The following CNTNAP5 variants were observed in gnomAD, a reference collection of about 807,000 sequenced individuals.
CNTNAP5 encodes contactin-associated protein-like 5.
CNTNAP5 carries 72 observed loss-of-function variants against 150.2 expected under a neutral mutation model. That is an observed-to-expected ratio of 0.48 (90% CI 0.40 to 0.58). The LOEUF is 0.58. Ranked by LOEUF, CNTNAP5 falls within the 20% of genes least tolerant of loss-of-function variation. The pLI, the probability that CNTNAP5 is intolerant of heterozygous loss-of-function variation, is 0.00. For synonymous variants in CNTNAP5, 672 were observed against 619.8 expected, an observed-to-expected ratio of 1.08 and a Z score of -1.25; for missense variants, 1,636 against 1,626.2, an observed-to-expected ratio of 1.01 and a Z score of -0.10.
At position 124,325,978 on chromosome 2, in the gene CNTNAP5, G is replaced by A. The variant is rs183270017; in HGVS notation, c.381+83585G>A. 4.0e-3 allele frequency among the ~76,000 whole-genome samples: 616 copies of A among 152,314 alleles called. 2 individuals carry two copies. The highest frequency in any genetic ancestry group is 0.014 in the African/African-American group (581 of 41,564). On this transcript the variant is annotated intron_variant, in intron 3 of 23. Coordinates refer to ENST00000682447, the MANE Select transcript of CNTNAP5 (RefSeq NM_001367498.1). ...TGAACCACACCAGCTAAAGGCTTAAGATTTCAGCTCAGCCATGCTGGCTGC... is the reference window on the plus strand; with the variant it reads ...TGAACCACACCAGCTAAAGGCTTAAAATTTCAGCTCAGCCATGCTGGCTGC...
intron 13 of CNTNAP5, among the ~76,000 whole-genome samples, chr2:124,674,675 A>G (rs1216053107): frequency 2.0e-5 from 3 of 151,116 alleles, no homozygotes; most frequent in African/African-American, 7.3e-5. Context: ...AAGTTTGGGT[A>G]TGTTCTGCTT....
chr2:124,522,092 C>T (rs1197345444), intron 8 of CNTNAP5, among the ~76,000 whole-genome samples: 1 of 152,090 alleles, frequency 6.6e-6, no homozygotes, highest in Non-Finnish European at 1.5e-5. Context: ...TCACAGCTGC[C>T]CAGGTGCAAA....
chr2:124,658,081 A>T (rs1233784411), intron 13 of CNTNAP5, among the ~76,000 whole-genome samples: 1 of 152,164 alleles, frequency 6.6e-6, no homozygotes, highest in African/African-American at 2.4e-5. Context: ...CAATTGAGTG[A>T]ATAGTTGTTG....
intron 18 of CNTNAP5, among the ~76,000 whole-genome samples, chr2:124,792,794 T>A (rs1052447196): frequency 6.6e-6 from 1 of 152,192 alleles, no homozygotes; most frequent in African/African-American, 2.4e-5. Flanking sequence ...GATCTTTTTG[T>A]GTCTGATTTC....
chr2:124,832,725 T>G (rs1187600129), intron 19 of CNTNAP5, among the ~76,000 whole-genome samples: 1 of 152,092 alleles, frequency 6.6e-6, no homozygotes, highest in Non-Finnish European at 1.5e-5. Flanking sequence ...CTCCAGTTAC[T>G]AATACAGCCT....
At chr2:124,788,140 G>T (rs1182286800) in intron 17 of CNTNAP5, among the ~76,000 whole-genome samples, 2 of 152,156 alleles carry the variant, frequency 1.3e-5, no homozygotes, top group African/African-American at 4.8e-5. Flanking sequence ...ACCTCCCCTG[G>T]GTTCTCCCAG....
intron 7 of CNTNAP5, among the ~76,000 whole-genome samples, chr2:124,494,484 C>T (rs566832922): frequency 6.6e-6 from 1 of 152,294 alleles, no homozygotes; most frequent in East Asian, 1.9e-4. Context: ...CAGATCTTCC[C>T]CTCCTAGTGC....
chr2:124,645,327 T>G lies in CNTNAP5; in HGVS notation c.1877-2431T>G, dbSNP rs576505371. Among the ~76,000 whole-genome samples, 31 of 152,318 alleles carry G rather than the reference T, an allele frequency of 2.0e-4. No homozygotes were observed. The South Asian group carries it at 3.1e-3, about 15-fold the overall frequency. ...TGGATGCAGTGGCTCATGTCTATAA[T>G]CCCAGCACTTTGGCAGGTTGTTTGA... On this transcript the variant is annotated intron_variant, in intron 12 of 23. Coordinates refer to ENST00000682447, the MANE Select transcript of CNTNAP5 (RefSeq NM_001367498.1).
chr2:124,556,076 C>G (rs931338113), intron 10 of CNTNAP5, among the ~76,000 whole-genome samples: 5 of 152,178 alleles, frequency 3.3e-5, no homozygotes, highest in African/African-American at 1.2e-4. Flanking sequence ...AGCCCCCTAA[C>G]CCTCACTTTG....
intron 1 of CNTNAP5, among the ~76,000 whole-genome samples, chr2:124,109,096 C>T (rs1040259495): frequency 6.6e-6 from 1 of 152,158 alleles, no homozygotes; most frequent in African/African-American, 2.4e-5. Flanking sequence ...GCTTCCTGAG[C>T]CGGCAGCCAG....
chr2:124,128,326 G>C (rs1400735184), intron 1 of CNTNAP5, among the ~76,000 whole-genome samples: 3 of 152,096 alleles, frequency 2.0e-5, no homozygotes, highest in Non-Finnish European at 4.4e-5. Context: ...CATCATCACT[G>C]GCCGTCAGAG....
intron 1 of CNTNAP5, among the ~76,000 whole-genome samples, chr2:124,181,210 T>A (rs1558790047): frequency 6.6e-6 from 1 of 152,132 alleles, no homozygotes; most frequent in Admixed American, 6.5e-5. Context: ...TTTATTTGAA[T>A]AACTATAGTA....
At chr2:124,160,960 G>C (rs1419518637) in intron 1 of CNTNAP5, among the ~76,000 whole-genome samples, 1 of 151,888 alleles carries the variant, frequency 6.6e-6, no homozygotes, top group East Asian at 1.9e-4. Context: ...AAGGCTTTGG[G>C]GTCATCTGCA....
At chr2:124,600,716 TACA>T (rs1458399272) in intron 11 of CNTNAP5, among the ~76,000 whole-genome samples, 3 of 99,284 alleles carry the variant, frequency 3.0e-5, no homozygotes, top group South Asian at 3.5e-4. Flanking sequence ...ACCCCCAAAA[TACA>T]ACAACAATAC....
chr2:124,774,802 C>A (rs960871888), intron 17 of CNTNAP5, among the ~76,000 whole-genome samples: 2 of 152,118 alleles, frequency 1.3e-5, no homozygotes, highest in African/African-American at 2.4e-5. Flanking sequence ...CCCTTTCATG[C>A]AAAATTTATG....
At chr2:124,480,210 A>G (rs1693733581) in intron 7 of CNTNAP5, among the ~76,000 whole-genome samples, 1 of 152,164 alleles carries the variant, frequency 6.6e-6, no homozygotes, top group Non-Finnish European at 1.5e-5. Context: ...TAATCATCTC[A>G]TTTATTTGAG....
intron 16 of CNTNAP5, among the ~76,000 whole-genome samples, chr2:124,769,669 C>T (rs994505208): frequency 8.5e-5 from 13 of 152,152 alleles, no homozygotes; most frequent in African/African-American, 2.9e-4. Context: ...TGTTTTCAGG[C>T]ATCTTTATTA....
At chr2:124,706,797 G>GAA (rs1558743005) in intron 13 of CNTNAP5, among the ~76,000 whole-genome samples, 555 of 10,700 alleles carry the variant, frequency 0.052, 4 homozygotes, top group Middle Eastern at 0.1. Flanking sequence ...AGAAGAAGAA[G>GAA]GAGGAGGAGG....
chr2:124,353,015 A>G (rs1689912248), intron 3 of CNTNAP5, among the ~76,000 whole-genome samples: 1 of 152,202 alleles, frequency 6.6e-6, no homozygotes, highest in Admixed American at 6.5e-5. Context: ...AGAGAAAACA[A>G]TTAGTTCTGG....
Sources: allele counts gnomAD v4.1 joint callset (sites outside exome capture counted in the v4.1 genomes callset), GRCh38; gene constraint gnomAD v4.1.1; transcripts MANE v1.5; gene names NCBI Gene and HGNC (gene_info 2026-07-23, HGNC 2026-07-21).